The following RAPGEF6 variants were observed in gnomAD, a reference collection of about 807,000 sequenced individuals.
RAPGEF6 encodes PDZ domain containing guanine nucleotide exchange factor (GEF) 2.
A neutral mutation model predicts 171.4 loss-of-function variants in RAPGEF6; 56 were observed. That is an observed-to-expected ratio of 0.33 (90% CI 0.26 to 0.41). RAPGEF6 has a LOEUF of 0.41. Ranked by LOEUF, RAPGEF6 falls within the 10% of genes least tolerant of loss-of-function variation. The pLI, the probability that RAPGEF6 is intolerant of heterozygous loss-of-function variation, is 1.00. For missense variants in RAPGEF6, 1,674 were observed against 1,921.4 expected, an observed-to-expected ratio of 0.87 and a Z score of 2.41; for synonymous variants, 692 against 650.1, an observed-to-expected ratio of 1.06 and a Z score of -0.98.
intron 7 of RAPGEF6, among the ~76,000 whole-genome samples, chr5:131,514,232 G>A (rs1468869399): frequency 2.0e-5 from 3 of 152,062 alleles, no homozygotes; most frequent in Non-Finnish European, 2.9e-5. Flanking sequence ...GAAATTTAAA[G>A]GGATTTTTTT....
intron 1 of RAPGEF6, among the ~76,000 whole-genome samples, chr5:131,622,563 G>A (rs763871394): frequency 3.3e-5 from 5 of 152,156 alleles, no homozygotes; most frequent in African/African-American, 4.8e-5. Flanking sequence ...CCTCAAACAT[G>A]TGTTGCTTAT....
At chr5:131,496,433 C>T (rs1318046939) in intron 12 of RAPGEF6, among the ~76,000 whole-genome samples, 1 of 152,054 alleles carries the variant, frequency 6.6e-6, no homozygotes, top group African/African-American at 2.4e-5. Context: ...TACTGTGTAA[C>T]CATCACCACT....
intron 2 of RAPGEF6, among the ~76,000 whole-genome samples, chr5:131,604,039 C>T (rs888590659): frequency 2.6e-5 from 4 of 151,864 alleles, no homozygotes; most frequent in Non-Finnish European, 5.9e-5. Flanking sequence ...GGACAGATAG[C>T]CAGCCCATTT....
intron 20 of RAPGEF6, 88 bp from the exon 21 acceptor site, chr5:131,453,265 A>C: frequency 1.4e-6 from 2 of 1,469,098 alleles, no homozygotes; most frequent in Non-Finnish European, 9.0e-7. Context: ...TGAGGGGCAC[A>C]AAGAAGGACC....
chr5:131,545,921 C>T (rs1418290370), intron 6 of RAPGEF6, among the ~76,000 whole-genome samples: 1 of 152,132 alleles, frequency 6.6e-6, no homozygotes, highest in African/African-American at 2.4e-5. Flanking sequence ...TGCAAAAATG[C>T]CACTATACTT....
chr5:131,439,783 C>A, intron 23 of RAPGEF6, 68 bp from the exon 24 acceptor site: 1 of 1,562,238 alleles, frequency 6.4e-7, no homozygotes. Flanking sequence ...TTGCCTAAAT[C>A]ACTACATAAC....
chr5:131,452,112 C>T (rs1303687226), intron 21 of RAPGEF6, among the ~76,000 whole-genome samples: 197 of 151,734 alleles, frequency 1.3e-3, no homozygotes, highest in South Asian at 3.7e-3. Context: ...TCCAGCTACT[C>T]AGGAGGCTGA....
At position 131,502,947 on chromosome 5, in the gene RAPGEF6, C is replaced by T. The variant is rs190567680; in HGVS notation, c.1254+1679G>A. Among the ~76,000 whole-genome samples the T allele has an allele frequency of 3.2e-3, 494 of 152,168 alleles. 3 individuals carry two copies. The highest frequency in any genetic ancestry group is 0.011 in the African/African-American group (464 of 41,518). ...CCGAGTAGCTGGGATTGATTACAGG[C>T]GGCCACCACCATGCCTAGCTAATTT... On this transcript the variant is annotated intron_variant, in intron 11 of 27. Transcript: ENST00000509018.
intron 4 of RAPGEF6, among the ~76,000 whole-genome samples, chr5:131,591,855 A>C (rs1246976933): frequency 6.6e-6 from 1 of 152,110 alleles, no homozygotes; most frequent in African/African-American, 2.4e-5. Flanking sequence ...TCGTACATAA[A>C]ACTAATTTTT....
chr5:131,490,886 G>C (rs924962263), intron 14 of RAPGEF6, among the ~76,000 whole-genome samples: 4 of 152,136 alleles, frequency 2.6e-5, no homozygotes, highest in African/African-American at 9.7e-5. Flanking sequence ...TTGTTTAAAA[G>C]CTTATGAAAC....
chr5:131,432,775 C>A (rs1346448755), intron 25 of RAPGEF6, among the ~76,000 whole-genome samples: 1 of 152,062 alleles, frequency 6.6e-6, no homozygotes, highest in African/African-American at 2.4e-5. Flanking sequence ...TACTATGTAA[C>A]TTTTATAGAA....
intron 3 of RAPGEF6, among the ~76,000 whole-genome samples, chr5:131,599,497 C>G (rs1764099703): frequency 7.2e-6 from 1 of 139,570 alleles, no homozygotes; most frequent in Admixed American, 7.1e-5. Context: ...AGAGACCACA[C>G]AGAGATACAC....
At chr5:131,498,334 A>G (rs984242257) in intron 12 of RAPGEF6, 109 bp downstream of exon 12, 8 of 970,280 alleles carry the variant, frequency 8.2e-6, no homozygotes, top group Non-Finnish European at 1.1e-5. Context: ...TAATTTTTTT[A>G]GGTGTACTGA....
intron 1 of RAPGEF6, among the ~76,000 whole-genome samples, chr5:131,624,591 G>A (rs1169696825): frequency 6.6e-6 from 1 of 151,954 alleles, no homozygotes; most frequent in Non-Finnish European, 1.5e-5. Flanking sequence ...GGCCAACCTG[G>A]GCAACACAGC....
At chr5:131,445,172 A>T (rs1162962288) in intron 22 of RAPGEF6, among the ~76,000 whole-genome samples, 1 of 152,200 alleles carries the variant, frequency 6.6e-6, no homozygotes, top group African/African-American at 2.4e-5. Flanking sequence ...ATCCTTTCGT[A>T]GGTATTCTTT....
At chr5:131,530,129 C>A in intron 6 of RAPGEF6, among the ~76,000 whole-genome samples, 1 of 147,418 alleles carries the variant, frequency 6.8e-6, no homozygotes, top group African/African-American at 2.5e-5. Flanking sequence ...GCTTGAGGAC[C>A]ACATCTCTTA....
Position 131,436,329 on chromosome 5 carries a change from G to T in RAPGEF6, c.3746-2671C>A, listed in dbSNP as rs765760637. ...TTTGCAAGTAAGCCCCACCTATTCC[G>T]GGGCAGCTCTGGCCACTGATCTTGC... On this transcript the variant is annotated intron_variant, in intron 24 of 27. Coordinates refer to ENST00000509018, the MANE Select transcript of RAPGEF6 (RefSeq NM_016340.6). The T allele has an allele frequency of 3.3e-6, 5 of 1,537,514 alleles. No homozygotes were observed. In the Admixed American group the frequency reaches 9.8e-5, roughly 30 times the overall value.
rs762108941 is a variant in RAPGEF6 at position 131,505,471 on chromosome 5, C to A, written c.994G>T (p.Asp332Tyr). The A allele has an allele frequency of 6.2e-7, 1 of 1,613,518 alleles. No homozygotes were observed. The highest frequency in any genetic ancestry group is 1.7e-5 in the Admixed American group (1 of 59,996). ...ATAAACAAATTTTCAACTTTTCCAT[C>A]TGGATGACTGATTTCCACAGTGCCG... Reference protein sequence around the residue: ...LNGTVEISHPDGKVENLFMGN... With the variant: ...LNGTVEISHPYGKVENLFMGN... Residue 332 changes from aspartate (D) to tyrosine (Y), a missense_variant, in exon 10 of 28, where the codon GAT becomes TAT. By Grantham distance (160) the Asp-to-Tyr change is radical. Coordinates refer to ENST00000509018, the MANE Select transcript of RAPGEF6 (RefSeq NM_016340.6).
At chr5:131,543,353 T>C (rs144402755) in intron 6 of RAPGEF6, among the ~76,000 whole-genome samples, 5 of 152,306 alleles carry the variant, frequency 3.3e-5, no homozygotes, top group African/African-American at 7.2e-5. Flanking sequence ...AATAATACTT[T>C]TCACGTTTTC....
Sources: allele counts gnomAD v4.1 joint callset (sites outside exome capture counted in the v4.1 genomes callset), GRCh38; gene constraint gnomAD v4.1.1; transcripts MANE v1.5; gene names NCBI Gene and HGNC (gene_info 2026-07-23, HGNC 2026-07-21).